Variants in MCF2L observed in about 807,000 individuals in gnomAD.
The protein encoded by MCF2L is guanine nucleotide exchange factor DBS.
In MCF2L, 97 loss-of-function variants were observed where a neutral mutation model predicts 153.4. The ratio of observed to expected loss-of-function variants is 0.63; its 90% confidence interval spans 0.54 to 0.75. MCF2L has a LOEUF of 0.75. Among genes scored for constraint, MCF2L ranks in the 30% least tolerant of loss-of-function variants. The pLI is 0.00. For missense variants in MCF2L, 1,347 were observed against 1,495.2 expected, an observed-to-expected ratio of 0.90 and a Z score of 1.64; for synonymous variants, 659 against 632.2, an observed-to-expected ratio of 1.04 and a Z score of -0.64.
chr13:113,050,725 GC>G (rs1566803367), intron 4 of MCF2L, among the ~76,000 whole-genome samples: 2 of 34,512 alleles, frequency 5.8e-5, no homozygotes, highest in African/African-American at 2.9e-4. Context: ...GGGGGCGGGG[GC>G]GGGGGGGGCG....
intron 4 of MCF2L, 101 bp from the exon 5 acceptor site, chr13:113,060,492 A>C: frequency 7.0e-7 from 1 of 1,431,102 alleles, no homozygotes; most frequent in Admixed American, 1.9e-5. Flanking sequence ...CCTGGCCGCT[A>C]GCTGCGCGCC....
chr13:113,000,010 CG>C lies in MCF2L; in HGVS notation c.80-14751del, dbSNP rs373173259. On this transcript the variant is annotated intron_variant, in intron 1 of 29. Coordinates refer to ENST00000535094, the MANE Select transcript of MCF2L (RefSeq NM_001112732.3). ...GCGAGTGGGCCGGGAATGAAGACGC[CG>C]GCAGGCCCCAGAGTGGAGGCAGGGC... is the stretch of plus-strand genomic sequence containing the variant. Among the ~76,000 whole-genome samples the C allele has an allele frequency of 4.9e-3, 694 of 140,742 alleles. 18 individuals are homozygous for C. In the East Asian group the frequency reaches 0.1, roughly 21 times the overall value. 92.3% of individuals were successfully genotyped at this position (140,742 alleles called of 152,430 possible).
chr13:112,942,587 T>A (rs2081587196), intron 2 of MCF2L, among the ~76,000 whole-genome samples: 1 of 152,230 alleles, frequency 6.6e-6, no homozygotes, highest in Non-Finnish European at 1.5e-5. Flanking sequence ...GAAAACCCAC[T>A]GACCCTGTGG....
rs573041988 is a variant in MCF2L, at chr13:113,053,045, C to G, written c.370-7548C>G. Among the ~76,000 whole-genome samples, 26 of 152,234 alleles carry G rather than the reference C, an allele frequency of 1.7e-4. No individual in the cohort carries two copies. The East Asian group carries it at 5.0e-3, about 29-fold the overall frequency. Reference sequence around the variant, plus strand: ...CATCACATAAACACAGACACACACACACATTTTGCTGGTGAGAGCCGGCTC... The same window carrying G: ...CATCACATAAACACAGACACACACAGACATTTTGCTGGTGAGAGCCGGCTC... On this transcript the variant is annotated intron_variant, in intron 4 of 29. Transcript: ENST00000535094. The surrounding 1 kb of genome is among the most constrained non-coding windows in gnomAD (Gnocchi z 4.4).
chr13:112,960,086 CAG>C lies in MCF2L; in HGVS notation c.170-54676_170-54675del, dbSNP rs2081806293. On this transcript the variant is annotated intron_variant, in intron 2 of 29. Transcript: ENST00000375608. This position sits in a 1 kb window ranked among gnomAD's most constrained non-coding sequence, Gnocchi z 4.2. The stretch of plus-strand genomic sequence containing the variant: ...GCCTTCTGTCCCGGACGCCTGCCCT[CAG>C]GGGCTGTGTCTTTGTCTGTTTTCTG... Among the ~76,000 whole-genome samples the C allele has an allele frequency of 6.6e-6, 1 of 152,258 alleles. No individual in the cohort carries two copies. The highest frequency in any genetic ancestry group is 6.5e-5 in the Admixed American group (1 of 15,288).
At chr13:112,911,506 T>C (rs923131419) in intron 2 of MCF2L, among the ~76,000 whole-genome samples, 4 of 152,194 alleles carry the variant, frequency 2.6e-5, no homozygotes, top group Non-Finnish European at 5.9e-5. Flanking sequence ...TGCTGCAGGC[T>C]CCTCTGGGAA....
At chr13:112,898,586 C>T (rs766515964) in intron 1 of MCF2L, among the ~76,000 whole-genome samples, 18 of 152,258 alleles carry the variant, frequency 1.2e-4, no homozygotes, top group Middle Eastern at 3.4e-3. Flanking sequence ...CCTGCCCCAG[C>T]GCCCTTCCCT....
Position 113,074,962 on chromosome 13 carries a change from G to C in MCF2L, c.1117-36G>C, listed in dbSNP as rs1330188841. The C allele has an allele frequency of 2.6e-6, 4 of 1,558,142 alleles. No homozygotes were observed. The highest frequency in any genetic ancestry group is 3.6e-5 in the Admixed American group (2 of 55,556). On this transcript the variant is annotated intron_variant, in intron 10 of 29. Transcript: ENST00000535094. The surrounding 1 kb of genome is among the most constrained non-coding windows in gnomAD (Gnocchi z 4.2). ...AGGCACTGTGTGCCTCGAACAGAAAGAGGCCTGAGCTGGTCCTCTGGGTGG... is the reference window on the plus strand; with the variant it reads ...AGGCACTGTGTGCCTCGAACAGAAACAGGCCTGAGCTGGTCCTCTGGGTGG...
chr13:112,896,119 A>G (rs1204400352), intron 1 of MCF2L, among the ~76,000 whole-genome samples: 1 of 152,146 alleles, frequency 6.6e-6, no homozygotes, highest in Admixed American at 6.5e-5. Context: ...CTCCCCCATC[A>G]CTGTGCTGAC....
chr13:112,920,613 C>A (rs768494282), intron 2 of MCF2L, among the ~76,000 whole-genome samples: 67 of 149,214 alleles, frequency 4.5e-4, no homozygotes, highest in Non-Finnish European at 7.1e-4. Flanking sequence ...TGCTCTGAAG[C>A]TGGAGGGGAG....
chr13:112,977,760 C>T (rs2082264496), intron 1 of MCF2L, among the ~76,000 whole-genome samples: 1 of 152,148 alleles, frequency 6.6e-6, no homozygotes, highest in South Asian at 2.1e-4. Context: ...TCACTGCTTC[C>T]GTGAATACAA....
At position 113,035,342 on chromosome 13, in the gene MCF2L, C is replaced by T. The variant is rs1041712301; in HGVS notation, c.279-9929C>T. 1.4e-4 allele frequency among the ~76,000 whole-genome samples: 22 copies of T among 152,208 alleles called. No homozygotes were observed. The highest frequency in any genetic ancestry group is 2.9e-4 in the Non-Finnish European group (20 of 68,040). On this transcript the variant is annotated intron_variant, in intron 3 of 29. Transcript: ENST00000535094. The surrounding 1 kb of genome is among the most constrained non-coding windows in gnomAD (Gnocchi z 4.4). Reference sequence around the variant, plus strand: ...AATAAATGACCCTACTCAGGTAAGACGTCCTGACAGTGAGGTTTTTAATAT... The same window carrying T: ...AATAAATGACCCTACTCAGGTAAGATGTCCTGACAGTGAGGTTTTTAATAT...
In MCF2L at chr13:113,017,087, C is replaced by T. The variant is rs144583448; in HGVS notation, c.163+2241C>T. Among the ~76,000 whole-genome samples the T allele has an allele frequency of 5.3e-3, 802 of 152,350 alleles. 11 individuals are homozygous for T. The highest frequency in any genetic ancestry group is 0.018 in the African/African-American group (765 of 41,586). ...GGCTGGCGCTTCTCCTGCAGATGTG[C>T]GCGGATTTGGAGGAAGCCTGTGGCA... On this transcript the variant is annotated intron_variant, in intron 2 of 29. Transcript: ENST00000535094.
chr13:113,001,438 C>T (rs1173936370), intron 1 of MCF2L: 1 of 155,326 alleles, frequency 6.4e-6, no homozygotes, highest in East Asian at 1.9e-4. Context: ...CCCTGCAGCC[C>T]TGGGGCTAGC....
At chr13:112,902,313 T>C (rs746068724) in exon 2 of MCF2L, 42 of 1,612,840 alleles carry the variant, frequency 2.6e-5, no homozygotes, top group Non-Finnish European at 3.5e-5. Context: ...ACCAAATTGA[T>C]GTGTCTGACG....
At position 113,004,859 on chromosome 13, in the gene MCF2L, G is replaced by A. The variant is rs576417823; in HGVS notation, c.80-9904G>A. Reference sequence around the variant, plus strand: ...TTCTCTCTGGACCTTACGAAGACAAGTTTGCGGAGGCATGGCAGCCCGTGC... The same window carrying A: ...TTCTCTCTGGACCTTACGAAGACAAATTTGCGGAGGCATGGCAGCCCGTGC... On this transcript the variant is annotated intron_variant, in intron 1 of 29. Coordinates refer to ENST00000535094, the MANE Select transcript of MCF2L (RefSeq NM_001112732.3). Among the ~76,000 whole-genome samples the A allele has an allele frequency of 2.0e-5, 3 of 152,364 alleles. No individual in the cohort carries two copies. The South Asian group carries it at 6.2e-4, about 32-fold the overall frequency.
rs769437742 is a variant in MCF2L at position 113,046,602 on chromosome 13, A to G, written c.369+1241A>G. 1.7e-5 allele frequency: 9 copies of G among 533,250 alleles called. No homozygotes were observed. The highest frequency in any genetic ancestry group is 3.1e-5 in the Non-Finnish European group (8 of 259,926). 33.0% of individuals were successfully genotyped at this position (533,250 alleles called of 1,614,324 possible). On this transcript the variant is annotated intron_variant, in intron 4 of 29. Coordinates refer to ENST00000535094, the MANE Select transcript of MCF2L (RefSeq NM_001112732.3). This position sits in a 1 kb window ranked among gnomAD's most constrained non-coding sequence, Gnocchi z 4.4. ...CATTCCTTCATCTTTTACAAGAATT[A>G]GAGGCCCCATATCTGCTCCGATGCC...
chr13:112,968,153 G>GGGGGC, upstream of MCF2L, among the ~76,000 whole-genome samples: 2 of 132,656 alleles, frequency 1.5e-5, no homozygotes, highest in Non-Finnish European at 3.4e-5. Context: ...GGGGGGGGGG[G>GGGGGC]TCTTGCTACA....
intron 1 of MCF2L, among the ~76,000 whole-genome samples, chr13:113,010,816 G>A (rs1228018931): frequency 6.6e-6 from 1 of 152,202 alleles, no homozygotes; most frequent in Non-Finnish European, 1.5e-5. Flanking sequence ...ATACGGGTCA[G>A]GGGCCCACCA....
Sources: gnomAD v4.1 joint callset for allele counts (sites outside exome capture counted in the v4.1 genomes callset) on GRCh38, gnomAD v4.1.1 for gene constraint, Gnocchi (gnomAD v3.1) non-coding constraint, MANE v1.5 for transcripts, NCBI Gene and HGNC (gene_info 2026-07-23, HGNC 2026-07-21) for gene names.